Variants in NVL observed in about 807,000 individuals in gnomAD.
NVL encodes the protein nuclear VCP like.
Under a neutral mutation model 110.2 loss-of-function variants are expected in NVL, and 84 were observed. The ratio of observed to expected loss-of-function variants is 0.76; its 90% CI spans 0.64 to 0.91. The LOEUF is 0.91. Among genes scored for constraint, NVL ranks in the 40% least tolerant of loss-of-function variants. The probability of loss-of-function intolerance (pLI) is 0.00; values close to 1 mark genes in which losing one functional copy is unlikely to be tolerated. For synonymous variants in NVL, 354 were observed against 361.1 expected, an observed-to-expected ratio of 0.98 and a Z score of 0.22; for missense variants, 882 against 1,035.9, an observed-to-expected ratio of 0.85 and a Z score of 2.04.
chr1:224,318,489 C>T (rs1468106924), intron 2 of NVL, among the ~76,000 whole-genome samples: 1 of 152,038 alleles, frequency 6.6e-6, no homozygotes, highest in Non-Finnish European at 1.5e-5. Context: ...GTAGTCCCAG[C>T]TACTTGGGAG....
intron 19 of NVL, among the ~76,000 whole-genome samples, chr1:224,246,801 C>T (rs529123627): frequency 1.2e-4 from 18 of 151,632 alleles, no homozygotes; most frequent in Non-Finnish European, 1.9e-4. Flanking sequence ...TTTGGGAGGC[C>T]GTGGTGGGCG....
intron 19 of NVL, among the ~76,000 whole-genome samples, chr1:224,247,153 C>A (rs1347643897): frequency 6.6e-6 from 1 of 151,760 alleles, no homozygotes; most frequent in Admixed American, 6.6e-5. Context: ...TAAGTATATG[C>A]AACCAAAGCA....
At position 224,231,301 on chromosome 1, in the gene NVL, G is replaced by A. The variant is rs571176236; in HGVS notation, c.2456-5C>T. On this transcript the variant is annotated splice_region_variant and splice_polypyrimidine_tract_variant and intron_variant, in intron 21 of 22. Transcript: ENST00000281701. Reference sequence around the variant, plus strand: ...TATGACTAACCTTGAGTTCACCTATGGAGTAAATGCACAAATATACACATC... The same window carrying A: ...TATGACTAACCTTGAGTTCACCTATAGAGTAAATGCACAAATATACACATC... 6.2e-7 allele frequency: 1 copy of A among 1,608,838 alleles called. No individual in the cohort carries two copies. The highest frequency in any genetic ancestry group is 2.2e-5 in the East Asian group (1 of 44,824).
At chr1:224,258,929 G>GGCCA (rs1354846360) in intron 18 of NVL, among the ~76,000 whole-genome samples, 1 of 139,882 alleles carries the variant, frequency 7.1e-6, no homozygotes, top group Admixed American at 7.7e-5. Flanking sequence ...GCATGCTGCA[G>GGCCA]GCCAGGAGTG....
chr1:224,228,667 C>T (rs887316258), intron 22 of NVL, among the ~76,000 whole-genome samples: 7 of 147,394 alleles, frequency 4.7e-5, no homozygotes, highest in Admixed American at 2.0e-4. Context: ...GGGCCGGGCG[C>T]GGTGGCTCAC....
intron 12 of NVL, among the ~76,000 whole-genome samples, chr1:224,293,918 ATCC>A (rs1667619085): frequency 6.6e-6 from 1 of 152,164 alleles, no homozygotes; most frequent in African/African-American, 2.4e-5. Context: ...GGCTCAAGCA[ATCC>A]TCCTGTGCTT....
At chr1:224,282,344 T>A (rs1373750928) in intron 15 of NVL, among the ~76,000 whole-genome samples, 1 of 152,196 alleles carries the variant, frequency 6.6e-6, no homozygotes, top group African/African-American at 2.4e-5. Flanking sequence ...CACAAAATAT[T>A]TATGTGAACA....
At chr1:224,258,958 C>CA (rs1243789502) in intron 18 of NVL, among the ~76,000 whole-genome samples, 2 of 96,186 alleles carry the variant, frequency 2.1e-5, no homozygotes, top group South Asian at 4.0e-4. Context: ...ACCTGGTTAA[C>CA]ATGAGACCCT....
At chr1:224,237,032 T>C (rs1187220385) in intron 19 of NVL, among the ~76,000 whole-genome samples, 5 of 152,184 alleles carry the variant, frequency 3.3e-5, no homozygotes, top group Non-Finnish European at 7.3e-5. Flanking sequence ...TGTTGAGAAA[T>C]GAGGCTAAGA....
rs34767555 is a variant in NVL at position 224,258,979 on chromosome 1, TAAAAAAAA to T, written c.2183-8669_2183-8662del. ...TTAACATGAGACCCTGTCTCTACAT[TAAAAAAAA>T]AAAAAAAAAAAAAAAAGGAAAGTAG... On this transcript the variant is annotated intron_variant, in intron 18 of 22. Coordinates refer to ENST00000281701, the MANE Select transcript of NVL (RefSeq NM_002533.4). Among the ~76,000 whole-genome samples the T allele has an allele frequency of 6.8e-4, 41 of 60,212 alleles. 1 individual carries two copies. Among genetic ancestry groups the T allele is most frequent in the African/African-American group, 1.6e-3 (29 of 18,040 alleles). The allele number at this position is 60,212 out of a possible 152,430, so 39.5% of individuals were successfully genotyped here.
chr1:224,253,943 T>C (rs951746270), intron 18 of NVL, among the ~76,000 whole-genome samples: 5 of 152,140 alleles, frequency 3.3e-5, no homozygotes, highest in Admixed American at 2.0e-4. Context: ...TAGTGACTAA[T>C]GGTGTGAAGC....
At position 224,267,935 on chromosome 1, in the gene NVL, C is replaced by T. The variant is rs981196077; in HGVS notation, c.2182+99G>A. 7.7e-6 allele frequency: 6 copies of T among 774,402 alleles called. No homozygotes were observed. In the South Asian group the frequency reaches 8.9e-5, roughly 11 times the overall value. 48.0% of individuals were successfully genotyped at this position (774,402 alleles called of 1,614,324 possible). On this transcript the variant is annotated intron_variant, in intron 18 of 22. Coordinates refer to ENST00000281701, the MANE Select transcript of NVL (RefSeq NM_002533.4). ...ATGTGAATTATATTGTTTATAAATG[C>T]TACTAGTTTTTACTTTTATTTTTAA...
chr1:224,267,963 A>T, intron 18 of NVL, 71 bp downstream of exon 18: 3 of 1,028,016 alleles, frequency 2.9e-6, no homozygotes, highest in South Asian at 2.8e-5. Context: ...ATTTTTAATT[A>T]TCTGAATCTC....
intron 4 of NVL, chr1:224,312,713 C>G (rs772500247): frequency 6.6e-6 from 1 of 150,542 alleles, no homozygotes; most frequent in Non-Finnish European, 1.5e-5. Flanking sequence ...CCCAGCTACT[C>G]GGGAGGCTGA....
chr1:224,229,027 G>A (rs1307661238), intron 22 of NVL, among the ~76,000 whole-genome samples: 1 of 151,852 alleles, frequency 6.6e-6, no homozygotes, highest in Non-Finnish European at 1.5e-5. Flanking sequence ...CAGGCGTGGT[G>A]GCTCAGGCCT....
intron 18 of NVL, among the ~76,000 whole-genome samples, chr1:224,267,686 CAAAAA>C (rs532968583): frequency 7.8e-5 from 4 of 51,532 alleles, no homozygotes; most frequent in Admixed American, 2.2e-4. Flanking sequence ...GATTCTGTCT[CAAAAA>C]AAAAAAAAAA....
chr1:224,287,206 A>T (rs1250594920), intron 14 of NVL, among the ~76,000 whole-genome samples: 1 of 152,130 alleles, frequency 6.6e-6, no homozygotes, highest in Non-Finnish European at 1.5e-5. Context: ...TCATAGTGGG[A>T]GCTAATAAAG....
At chr1:224,301,677 G>A in intron 9 of NVL, 1 of 357,612 alleles carries the variant, frequency 2.8e-6, no homozygotes, top group Admixed American at 3.8e-5. Context: ...ATGCATGCCT[G>A]CAGTCCCAGT....
chr1:224,231,377 C>T, intron 21 of NVL, 81 bp from the exon 22 acceptor site: 1 of 1,122,202 alleles, frequency 8.9e-7, no homozygotes, highest in Non-Finnish European at 1.3e-6. Flanking sequence ...TGAAAGACTT[C>T]AAAACTTTCA....
Sources: allele counts gnomAD v4.1 joint callset (sites outside exome capture counted in the v4.1 genomes callset), GRCh38; gene constraint gnomAD v4.1.1; transcripts MANE v1.5; gene names NCBI Gene and HGNC (gene_info 2026-07-23, HGNC 2026-07-21).